PRAG1: variants seen among roughly 807,000 people sequenced by gnomAD.
PRAG1 encodes the protein inactive tyrosine-protein kinase PRAG1.
In PRAG1, 110 loss-of-function variants were observed where a neutral mutation model predicts 95.6. The observed-to-expected ratio is 1.15, with a 90% CI of 0.99 to 1.35. The LOEUF (loss-of-function observed/expected upper bound fraction) is 1.35, where lower values mean the gene tolerates loss of function less well. Ranked by LOEUF, PRAG1 falls within the 40% of genes most tolerant of loss-of-function variation. PRAG1 has a pLI of 0.00. For missense variants in PRAG1, 2,554 were observed against 1,864.7 expected (o/e 1.37, Z -6.81); for synonymous variants, 1,052 against 819.4 (o/e 1.28, Z -4.85).
At chr8:8,341,632 T>C (rs1211728106) in intron 3 of PRAG1, among the ~76,000 whole-genome samples, 1 of 152,238 alleles carries the variant, frequency 6.6e-6, no homozygotes, top group Non-Finnish European at 1.5e-5. Flanking sequence ...CTTTACTCTG[T>C]GAATGTGATG....
chr8:8,349,373 C>T (rs1158919111), intron 3 of PRAG1, among the ~76,000 whole-genome samples: 5 of 152,110 alleles, frequency 3.3e-5, no homozygotes, highest in Middle Eastern at 3.4e-3. Context: ...ATCTGCCTCC[C>T]GGGTTCACGC....
chr8:8,319,322 T>G lies in PRAG1; in HGVS notation c.3073-20A>C. The G allele has an allele frequency of 1.3e-6, 2 of 1,487,986 alleles. No homozygotes were observed. The highest frequency in any genetic ancestry group is 1.8e-6 in the Non-Finnish European group (2 of 1,116,636). The allele number at this position is 1,487,986 out of a possible 1,614,324, so 92.2% of individuals were successfully genotyped here. A position where few individuals can be genotyped will look rare whatever the true frequency, so the allele number is the denominator to read the frequency against. On this transcript the variant is annotated intron_variant, in intron 5 of 5. Transcript: ENST00000615670. The stretch of plus-strand genomic sequence containing the variant: ...GCAGATCTGTGGAGAGAAGAAGAAG[T>G]GAAATCAAGAGTGGGGCCCATGGTT...
chr8:8,319,716 T>C (rs1798413775), intron 5 of PRAG1, among the ~76,000 whole-genome samples: 1 of 151,936 alleles, frequency 6.6e-6, no homozygotes, highest in African/African-American at 2.4e-5. Flanking sequence ...AACAGCCCAA[T>C]TAAAAAAGGA....
intron 3 of PRAG1, among the ~76,000 whole-genome samples, chr8:8,350,551 T>C (rs913462719): frequency 6.6e-6 from 1 of 152,308 alleles, no homozygotes; most frequent in African/African-American, 2.4e-5. Context: ...GCCTTGCCTA[T>C]AGGCAAGCAC....
At chr8:8,350,088 G>C (rs992827245) in intron 3 of PRAG1, among the ~76,000 whole-genome samples, 18 of 152,144 alleles carry the variant, frequency 1.2e-4, no homozygotes, top group Admixed American at 8.5e-4. Flanking sequence ...ATATACTTTA[G>C]CATGAGAGAT....
At chr8:8,356,840 A>G (rs924431817) in intron 3 of PRAG1, among the ~76,000 whole-genome samples, 1 of 152,228 alleles carries the variant, frequency 6.6e-6, no homozygotes, top group African/African-American at 2.4e-5. Context: ...AGACATATAG[A>G]CTAATGTAAT....
rs1161479308 is a variant in PRAG1, at chr8:8,318,657, C to T, written c.3718G>A (p.Ala1240Thr). The T allele has an allele frequency of 4.3e-6, 7 of 1,612,004 alleles. No individual in the cohort carries two copies. Among genetic ancestry groups the T allele is most frequent in the Non-Finnish European group, 5.9e-6 (7 of 1,179,890 alleles). ...LQQKKSQARL[A>T]PEIVSASQYR... ...TGGGAAGCAGACACGATCTCGGGGG[C>T]CAGCCGGGCCTGGCTCTTCTTCTGC... Residue 1240 changes from alanine to threonine, a missense_variant, in exon 6 of 6, where the codon GCC becomes ACC. Coordinates refer to ENST00000615670, the MANE Select transcript of PRAG1 (RefSeq NM_001080826.3). This position sits in a 1 kb window ranked among gnomAD's most constrained non-coding sequence, Gnocchi z 4.2.
At position 8,329,799 on chromosome 8, in the gene PRAG1, G is replaced by A. The variant is rs78079729; in HGVS notation, c.2321-1338C>T. 4.8e-3 allele frequency among the ~76,000 whole-genome samples: 724 copies of A among 152,316 alleles called. 3 individuals are homozygous for A. The highest frequency in any genetic ancestry group is 0.015 in the African/African-American group (639 of 41,564). Reference sequence around the variant, plus strand: ...AAGACTGGGTCTCTTTATTTCTGCTGCTCCACAGGGAGGAGGGTCTCTCTA... The same window carrying A: ...AAGACTGGGTCTCTTTATTTCTGCTACTCCACAGGGAGGAGGGTCTCTCTA... On this transcript the variant is annotated intron_variant, in intron 4 of 5. Transcript: ENST00000615670.
At chr8:8,331,079 A>G (rs2976918) in intron 4 of PRAG1, among the ~76,000 whole-genome samples, 32,912 of 151,940 alleles carry the variant, frequency 0.22, 4,007 homozygotes, top group African/African-American at 0.33. Flanking sequence ...TGAGGCTGGG[A>G]GATGGGAGTG....
chr8:8,345,119 G>A (rs974165427), intron 3 of PRAG1, among the ~76,000 whole-genome samples: 3 of 149,552 alleles, frequency 2.0e-5, no homozygotes, highest in Non-Finnish European at 4.5e-5. Flanking sequence ...CTCCCAAAGT[G>A]GACTTTGGTA....
intron 3 of PRAG1, among the ~76,000 whole-genome samples, chr8:8,362,239 G>A (rs1416239213): frequency 6.6e-6 from 1 of 152,186 alleles, no homozygotes; most frequent in Non-Finnish European, 1.5e-5. Flanking sequence ...GGTGGCCATG[G>A]AACCACAGGT....
In PRAG1 at chr8:8,328,398, G is replaced by T; in HGVS notation, c.2384C>A (p.Pro795Gln). 1 of 1,613,756 alleles carries T rather than the reference G, an allele frequency of 6.2e-7. No homozygotes were observed. The highest frequency in any genetic ancestry group is 8.5e-7 in the Non-Finnish European group (1 of 1,180,008). ...NSGKKLFAPV[P>Q]FPSGSTEDVS... ...GTCCTCAGTGGAGCCTGAAGGAAAC[G>T]GAACGGGAGCAAAGAGCTTCTTCCC... The change falls in exon 5 of 6, where the codon CCG becomes CAG. Residue 795 changes from proline to glutamine, a missense_variant. Physicochemically the swap from Pro to Gln is moderately conservative, Grantham distance 76 (BLOSUM62 -1). Coordinates refer to ENST00000615670, the MANE Select transcript of PRAG1 (RefSeq NM_001080826.3).
intron 5 of PRAG1, among the ~76,000 whole-genome samples, chr8:8,323,559 C>T (rs377728816): frequency 6.6e-6 from 1 of 152,186 alleles, no homozygotes; most frequent in African/African-American, 2.4e-5. Flanking sequence ...CTCCTGACCT[C>T]GTGATCTACC....
chr8:8,353,544 T>C (rs1410850585), intron 3 of PRAG1, among the ~76,000 whole-genome samples: 1 of 152,108 alleles, frequency 6.6e-6, no homozygotes, highest in South Asian at 2.1e-4. Flanking sequence ...ATGTATAAGA[T>C]GCAGAAAAAG....
intron 3 of PRAG1, among the ~76,000 whole-genome samples, chr8:8,350,927 G>C (rs2921020): frequency 4.6e-5 from 7 of 151,650 alleles, no homozygotes; most frequent in Non-Finnish European, 4.4e-5. Context: ...TGGATGGATG[G>C]ATGGATGGAT....
Position 8,376,370 on chromosome 8 carries a change from G to T in PRAG1, c.2039C>A (p.Ser680Tyr). ...CCCAACTTTGCTGTTCTGCCCAGAG[G>T]AGCCATCTGTGGGGTGGAGACGGTG... is the stretch of plus-strand genomic sequence containing the variant. ...TWHRLHPTDGSSGQNSKVGTG... is the reference protein window; with the variant it reads ...TWHRLHPTDGYSGQNSKVGTG... The change falls in exon 3 of 6, where the codon TCC (serine) becomes TAC (tyrosine). Residue 680 changes from serine to tyrosine, a missense_variant. Coordinates refer to ENST00000615670, the MANE Select transcript of PRAG1 (RefSeq NM_001080826.3). The T allele has an allele frequency of 1.9e-6, 3 of 1,614,236 alleles. No homozygotes were observed. Among genetic ancestry groups the T allele is most frequent in the South Asian group, 2.2e-5 (2 of 91,082 alleles).
At chr8:8,329,121 G>A (rs367623222) in intron 4 of PRAG1, among the ~76,000 whole-genome samples, 1 of 152,052 alleles carries the variant, frequency 6.6e-6, no homozygotes, top group Non-Finnish European at 1.5e-5. Context: ...GGCTGGGTGC[G>A]GCGGCTCATG....
At chr8:8,364,996 G>T (rs1371196207) in intron 3 of PRAG1, among the ~76,000 whole-genome samples, 1 of 152,124 alleles carries the variant, frequency 6.6e-6, no homozygotes, top group Non-Finnish European at 1.5e-5. Flanking sequence ...CATGAATATA[G>T]AGAAGATATT....
At position 8,381,584 on chromosome 8, in the gene PRAG1, G is replaced by C; in HGVS notation, c.164C>G (p.Pro55Arg). 6.2e-7 allele frequency: 1 copy of C among 1,614,134 alleles called. No homozygotes were observed. Among genetic ancestry groups the C allele is most frequent in the Non-Finnish European group, 8.5e-7 (1 of 1,179,998 alleles). The change falls in exon 2 of 6, where the codon CCC (proline) becomes CGC (arginine). Residue 55 changes from proline (P) to arginine (R), a missense_variant. Pro to Arg is a moderately radical substitution (Grantham distance 103, BLOSUM62 -2). Coordinates refer to ENST00000615670, the MANE Select transcript of PRAG1 (RefSeq NM_001080826.3). ...CCTGGGAGGCAGGCGCGGTGGAGGGGGCAGGCTGCCCGCTCTGGGCTGGGG... is the reference window on the plus strand; with the variant it reads ...CCTGGGAGGCAGGCGCGGTGGAGGGCGCAGGCTGCCCGCTCTGGGCTGGGG... ...GPPQPRAGSLPPPPRLPPRPE... is the reference protein window; with the variant it reads ...GPPQPRAGSLRPPPRLPPRPE...
Sources: allele counts gnomAD v4.1 joint callset (sites outside exome capture counted in the v4.1 genomes callset), GRCh38; gene constraint gnomAD v4.1.1; non-coding constraint Gnocchi (gnomAD v3.1); transcripts MANE v1.5; gene names NCBI Gene and HGNC (gene_info 2026-07-23, HGNC 2026-07-21).